The following TRPM3 variants were observed in gnomAD, a reference collection of about 807,000 sequenced individuals.
TRPM3 encodes long transient receptor potential channel 3.
TRPM3 carries 77 observed loss-of-function variants against 181.2 expected under a neutral mutation model. That is an observed-to-expected ratio of 0.42 (90% confidence interval 0.35 to 0.51). The LOEUF (loss-of-function observed/expected upper bound fraction) is 0.51, where lower values mean the gene tolerates loss of function less well. TRPM3 is among the 20% of genes least tolerant of loss of function. The pLI is 0.01. For missense variants in TRPM3, 1,759 were observed against 2,196.7 expected (o/e 0.80, Z 3.98); for synonymous variants, 745 against 796.4 (o/e 0.94, Z 1.09).
intron 6 of TRPM3, among the ~76,000 whole-genome samples, chr9:70,808,582 C>A (rs2091211270): frequency 6.6e-6 from 1 of 152,146 alleles, no homozygotes; most frequent in South Asian, 2.1e-4. Context: ...ACAAGCATGA[C>A]AAATATTTCA....
At chr9:70,602,331 A>C (rs1353190034) in intron 20 of TRPM3, among the ~76,000 whole-genome samples, 1 of 152,184 alleles carries the variant, frequency 6.6e-6, no homozygotes, top group African/African-American at 2.4e-5. Flanking sequence ...ATAGAGCTGA[A>C]ACCCTTGCCT....
chr9:71,381,262 G>A (rs1414497725), intron 1 of TRPM3, among the ~76,000 whole-genome samples: 1 of 152,132 alleles, frequency 6.6e-6, no homozygotes, highest in African/African-American at 2.4e-5. Flanking sequence ...AAAAGTACTA[G>A]TAACATTCAG....
At chr9:70,695,391 C>A (rs2070034165) in intron 8 of TRPM3, among the ~76,000 whole-genome samples, 1 of 152,236 alleles carries the variant, frequency 6.6e-6, no homozygotes, top group Admixed American at 6.5e-5. Context: ...AGCATGGGCT[C>A]AGTAACTGCT....
intron 1 of TRPM3, among the ~76,000 whole-genome samples, chr9:71,097,262 G>A (rs1057325227): frequency 1.3e-5 from 2 of 151,530 alleles, no homozygotes; most frequent in Admixed American, 1.3e-4. Flanking sequence ...TAGGATATAT[G>A]GTATATATAT....
chr9:71,187,925 AGATAGATAGATAGATAGATAGATAG>A (rs2077777830), intron 1 of TRPM3, among the ~76,000 whole-genome samples: 2 of 145,292 alleles, frequency 1.4e-5, no homozygotes, highest in Admixed American at 1.4e-4. Context: ...ATAGATAGAT[AGATAGATAGATAGATAGATAGATAG>A]ATCATCGCAT....
intron 1 of TRPM3, among the ~76,000 whole-genome samples, chr9:71,086,082 C>A (rs1329489707): frequency 9.2e-5 from 14 of 151,922 alleles, no homozygotes; most frequent in African/African-American, 3.4e-4. Flanking sequence ...TTATCCTAAG[C>A]AAATGAATGC....
At chr9:70,701,486 G>A (rs2072548107) in intron 8 of TRPM3, among the ~76,000 whole-genome samples, 2 of 151,284 alleles carry the variant, frequency 1.3e-5, no homozygotes. Flanking sequence ...GGCATTTAAT[G>A]CCTGTGACTG....
At chr9:70,660,586 T>C (rs934326293) in intron 9 of TRPM3, among the ~76,000 whole-genome samples, 1 of 152,072 alleles carries the variant, frequency 6.6e-6, no homozygotes. Flanking sequence ...ACCTCAACTT[T>C]GGCAAGATAA....
At chr9:70,847,121 A>G (rs1212882420) in intron 3 of TRPM3, among the ~76,000 whole-genome samples, 2 of 152,200 alleles carry the variant, frequency 1.3e-5, no homozygotes, top group Non-Finnish European at 2.9e-5. Context: ...ATGTTTCTGT[A>G]TCTTTTGAAG....
chr9:70,945,067 T>C (rs1244009154), intron 1 of TRPM3, among the ~76,000 whole-genome samples: 2 of 152,180 alleles, frequency 1.3e-5, no homozygotes, highest in Non-Finnish European at 2.9e-5. Context: ...AGAAGTCCTC[T>C]AGGGGTGAAG....
chr9:70,691,997 A>G (rs1226750615), intron 8 of TRPM3, among the ~76,000 whole-genome samples: 1 of 152,164 alleles, frequency 6.6e-6, no homozygotes, highest in Non-Finnish European at 1.5e-5. Flanking sequence ...TTAGGCTGCT[A>G]AAAGTCTAAA....
rs1424764170 is a variant in TRPM3 at position 70,863,100 on chromosome 9, C to T, written c.270G>A (p.Gly90=). 1.2e-6 allele frequency: 2 copies of T among 1,613,170 alleles called. No individual in the cohort carries two copies. The highest frequency in any genetic ancestry group is 1.1e-5 in the South Asian group (1 of 91,022). The part of the protein sequence containing the change: ...STKDPHRCCC[G]RLIGQHVGLT... ...GGCCAACATGCTGGCCTATCAGACG[C>T]CCACAGCAACACCTATAACAGAAGA... Residue 90 remains glycine (G), a synonymous_variant, in exon 3 of 26, where the codon GGG becomes GGA. Coordinates refer to ENST00000677713, the MANE Select transcript of TRPM3 (RefSeq NM_001366145.2).
At chr9:70,958,420 C>A (rs913298586) in intron 1 of TRPM3, among the ~76,000 whole-genome samples, 19 of 152,160 alleles carry the variant, frequency 1.2e-4, no homozygotes, top group Non-Finnish European at 2.6e-4. Flanking sequence ...GTTCCTATTT[C>A]TCCACATCCT....
chr9:70,892,325 A>T (rs1392488798), intron 1 of TRPM3, among the ~76,000 whole-genome samples: 2 of 152,118 alleles, frequency 1.3e-5, no homozygotes, highest in Non-Finnish European at 2.9e-5. Context: ...ACATAAAAAA[A>T]GGCATCTGTA....
rs1355619419 is a variant in TRPM3, at chr9:70,655,245, G to A, written c.1346-14585C>T. 2.9e-5 allele frequency among the ~76,000 whole-genome samples: 4 copies of A among 139,254 alleles called. No individual in the cohort carries two copies. The East Asian group carries it at 9.2e-4, about 32-fold the overall frequency. The allele number at this position is 139,254 out of a possible 152,430, so 91.4% of individuals were successfully genotyped here. ...CACTTGAACCTGGGAGGCAGAGGTT[G>A]CAGTGAGCTGAGATCATGCCCCTAA... On this transcript the variant is annotated intron_variant, in intron 9 of 25. Coordinates refer to ENST00000677713, the MANE Select transcript of TRPM3 (RefSeq NM_001366145.2).
intron 1 of TRPM3, among the ~76,000 whole-genome samples, chr9:71,088,531 A>T (rs182032837): frequency 6.6e-6 from 1 of 152,258 alleles, no homozygotes; most frequent in East Asian, 1.9e-4. Flanking sequence ...ATATTTCCAA[A>T]TATACATATG....
chr9:70,942,555 T>C lies in TRPM3; in HGVS notation c.178-78044A>G, dbSNP rs368351658. Among the ~76,000 whole-genome samples, 24 of 152,358 alleles carry C rather than the reference T, an allele frequency of 1.6e-4. No homozygotes were observed. The East Asian group carries it at 4.2e-3, about 27-fold the overall frequency. On this transcript the variant is annotated intron_variant, in intron 1 of 25. Transcript: ENST00000677713. The stretch of plus-strand genomic sequence containing the variant: ...CACTGTACAAGGCTTCTTGTCTTCT[T>C]TGCCAGTGGTCATACCGTTTTTTCC...
chr9:70,802,860 A>C (rs4744614), intron 6 of TRPM3, among the ~76,000 whole-genome samples: 117,883 of 151,826 alleles, frequency 0.78, 46,001 homozygotes, highest in South Asian at 0.83. Flanking sequence ...TAAAGAATAT[A>C]TTTTCTGTGT....
At chr9:71,259,184 G>A (rs2082872684) in intron 1 of TRPM3, among the ~76,000 whole-genome samples, 1 of 152,066 alleles carries the variant, frequency 6.6e-6, no homozygotes, top group South Asian at 2.1e-4. Context: ...TGAGAATGAT[G>A]GTTTCCAGCT....
Sources: gnomAD v4.1 joint callset for allele counts (sites outside exome capture counted in the v4.1 genomes callset) on GRCh38, gnomAD v4.1.1 for gene constraint, MANE v1.5 for transcripts, NCBI Gene and HGNC (gene_info 2026-07-23, HGNC 2026-07-21) for gene names.